The following EYA2 variants were observed in gnomAD, a reference collection of about 807,000 sequenced individuals.
EYA2 encodes protein phosphatase EYA2.
EYA2 carries 31 observed loss-of-function variants against 69.2 expected under a neutral mutation model. That is an observed-to-expected ratio of 0.45 (90% CI 0.34 to 0.60). The LOEUF (loss-of-function observed/expected upper bound fraction) is 0.60. EYA2 is among the 20% of genes least tolerant of loss of function. The pLI, the probability that EYA2 is intolerant of heterozygous loss-of-function variation, is 0.02. For missense variants in EYA2, 622 were observed against 701.2 expected, an observed-to-expected ratio of 0.89 and a Z score of 1.28; for synonymous variants, 257 against 279.4, an observed-to-expected ratio of 0.92 and a Z score of 0.80.
chr20:47,022,172 G>A (rs112129680), intron 5 of EYA2, among the ~76,000 whole-genome samples: 2,452 of 152,278 alleles, frequency 0.016, 72 homozygotes, highest in African/African-American at 0.055. Context: ...TGGGATGAGG[G>A]CCCCTCCGTC....
chr20:47,135,755 G>A (rs1339297712), intron 9 of EYA2, among the ~76,000 whole-genome samples: 1 of 142,244 alleles, frequency 7.0e-6, no homozygotes, highest in East Asian at 2.2e-4. Flanking sequence ...GCTGAGGCAG[G>A]AGGATCACTT....
chr20:47,016,340 C>A (rs1330872428), intron 5 of EYA2, 43 bp downstream of exon 5: 7 of 1,478,598 alleles, frequency 4.7e-6, no homozygotes, highest in Non-Finnish European at 6.6e-6. Context: ...TCTCTAAGGA[C>A]CACCTAAGTT....
intron 5 of EYA2, among the ~76,000 whole-genome samples, chr20:47,036,921 G>T (rs1241559970): frequency 2.0e-5 from 3 of 152,218 alleles, no homozygotes; most frequent in African/African-American, 7.2e-5. Flanking sequence ...CAAATGATGG[G>T]TGTATTAGTT....
chr20:47,139,833 C>T (rs1471736812), intron 9 of EYA2, among the ~76,000 whole-genome samples: 6 of 152,196 alleles, frequency 3.9e-5, no homozygotes, highest in Admixed American at 2.6e-4. Flanking sequence ...ACTAATTGAG[C>T]TCTCTTTTCT....
At chr20:47,003,196 C>G (rs1982485944) in intron 3 of EYA2, among the ~76,000 whole-genome samples, 1 of 152,204 alleles carries the variant, frequency 6.6e-6, no homozygotes, top group East Asian at 1.9e-4. Flanking sequence ...AATTCTCTAT[C>G]TGCTGTATGC....
intron 10 of EYA2, among the ~76,000 whole-genome samples, chr20:47,162,098 G>C (rs892550849): frequency 6.6e-6 from 1 of 152,042 alleles, no homozygotes; most frequent in Non-Finnish European, 1.5e-5. Context: ...CATGTCACCC[G>C]GTCTCTGTCC....
At chr20:46,973,294 C>G (rs1980250386) in intron 1 of EYA2, among the ~76,000 whole-genome samples, 1 of 152,178 alleles carries the variant, frequency 6.6e-6, no homozygotes, top group African/African-American at 2.4e-5. Context: ...TACAACACAA[C>G]TAACCTAGTT....
At chr20:47,060,983 G>A (rs1257918843) in intron 5 of EYA2, among the ~76,000 whole-genome samples, 1 of 151,596 alleles carries the variant, frequency 6.6e-6, no homozygotes. Context: ...AGCCTCCTGA[G>A]TAGCTGGGAT....
At chr20:47,021,582 A>T (rs1257895288) in intron 5 of EYA2, among the ~76,000 whole-genome samples, 1 of 148,044 alleles carries the variant, frequency 6.8e-6, no homozygotes, top group African/African-American at 2.5e-5. Context: ...AGCCGAGATC[A>T]CGCCACTGCA....
chr20:47,107,997 T>C (rs2032640634), intron 9 of EYA2, among the ~76,000 whole-genome samples: 1 of 152,158 alleles, frequency 6.6e-6, no homozygotes, highest in Non-Finnish European at 1.5e-5. Context: ...GCAAAGGCCC[T>C]GCAGCAGAAG....
chr20:47,154,147 G>A (rs962376319), intron 10 of EYA2, among the ~76,000 whole-genome samples: 2 of 151,942 alleles, frequency 1.3e-5, no homozygotes, highest in Non-Finnish European at 2.9e-5. Context: ...TTCTGGTGAG[G>A]GCCCTCTTCT....
intron 11 of EYA2, among the ~76,000 whole-genome samples, chr20:47,171,248 T>C (rs1183984066): frequency 6.6e-6 from 1 of 152,224 alleles, no homozygotes; most frequent in Non-Finnish European, 1.5e-5. Flanking sequence ...GCTGAGCTGT[T>C]TGGTACCTCA....
At chr20:47,119,888 A>G (rs73309676) in intron 9 of EYA2, among the ~76,000 whole-genome samples, 4,154 of 151,822 alleles carry the variant, frequency 0.027, 183 homozygotes, top group African/African-American at 0.094. Context: ...GCAACATAGT[A>G]AGAGCTTGTC....
intron 1 of EYA2, among the ~76,000 whole-genome samples, chr20:46,897,414 C>T (rs1210551650): frequency 6.6e-6 from 1 of 152,188 alleles, no homozygotes; most frequent in African/African-American, 2.4e-5. Context: ...AAGATGACTC[C>T]TTTCCCACAA....
At chr20:47,041,677 G>C (rs552116951) in intron 5 of EYA2, among the ~76,000 whole-genome samples, 1 of 152,188 alleles carries the variant, frequency 6.6e-6, no homozygotes, top group Non-Finnish European at 1.5e-5. Context: ...TCGGTAGGAA[G>C]GTGTGCAGGG....
intron 12 of EYA2, among the ~76,000 whole-genome samples, chr20:47,179,127 T>G (rs1389590792): frequency 2.6e-5 from 4 of 151,672 alleles, no homozygotes; most frequent in African/African-American, 9.7e-5. Context: ...AATCTGCATA[T>G]TTTTGTTCAT....
intron 1 of EYA2, among the ~76,000 whole-genome samples, chr20:46,908,156 C>T (rs562293433): frequency 1.1e-4 from 17 of 152,322 alleles, no homozygotes; most frequent in African/African-American, 4.1e-4. Flanking sequence ...CCAGGCCCTA[C>T]TCTGGACGTG....
At chr20:46,992,868 C>A (rs1004529164) in intron 2 of EYA2, among the ~76,000 whole-genome samples, 2 of 152,192 alleles carry the variant, frequency 1.3e-5, no homozygotes, top group Non-Finnish European at 2.9e-5. Context: ...CACCCTGGAG[C>A]ATGACCCCCA....
chr20:47,138,598 A>G (rs961526006), intron 9 of EYA2, among the ~76,000 whole-genome samples: 1 of 152,052 alleles, frequency 6.6e-6, no homozygotes, highest in Non-Finnish European at 1.5e-5. Flanking sequence ...AAAAAAAAAT[A>G]CAAAAAAATT....
Sources: allele counts gnomAD v4.1 joint callset (sites outside exome capture counted in the v4.1 genomes callset), GRCh38; gene constraint gnomAD v4.1.1; transcripts MANE v1.5; gene names NCBI Gene and HGNC (gene_info 2026-07-23, HGNC 2026-07-21).